Variants in SDK1 observed in about 807,000 individuals in gnomAD.
SDK1 encodes sidekick cell adhesion molecule 1.
In SDK1, 157 loss-of-function variants were observed where a neutral mutation model predicts 245.5. The observed-to-expected ratio is 0.64, with a 90% CI of 0.56 to 0.73. The LOEUF (loss-of-function observed/expected upper bound fraction) is 0.73. SDK1 is among the 30% of genes least tolerant of loss of function. SDK1 has a pLI of 0.00. For synonymous variants in SDK1, 1,647 were observed against 1,278.5 expected (o/e 1.29, Z -6.15); for missense variants, 3,583 against 3,002.3 (o/e 1.19, Z -4.52).
chr7:4,109,488 A>C (rs1204514381), intron 22 of SDK1, among the ~76,000 whole-genome samples: 2 of 152,214 alleles, frequency 1.3e-5, no homozygotes, highest in Admixed American at 1.3e-4. Flanking sequence ...GAAGTGTTAA[A>C]TGCACCAGGC....
At chr7:4,149,489 C>T (rs1237876940) in intron 30 of SDK1, 26 bp downstream of exon 30, 2 of 1,415,218 alleles carry the variant, frequency 1.4e-6, no homozygotes, top group Non-Finnish European at 1.9e-6. Context: ...GAGCACCTCC[C>T]CGGGGAACGG....
intron 35 of SDK1, among the ~76,000 whole-genome samples, chr7:4,195,176 C>T (rs1584418176): frequency 6.6e-6 from 1 of 152,226 alleles, no homozygotes; most frequent in Non-Finnish European, 1.5e-5. Flanking sequence ...TTAGCATCTG[C>T]ATCACATCAC....
chr7:3,534,606 C>T (rs1056661481), intron 1 of SDK1, among the ~76,000 whole-genome samples: 8 of 152,114 alleles, frequency 5.3e-5, no homozygotes, highest in African/African-American at 1.9e-4. Flanking sequence ...TGTGGCTTAG[C>T]TTTGCATGTT....
intron 4 of SDK1, among the ~76,000 whole-genome samples, chr7:3,681,192 C>G (rs922339609): frequency 1.7e-5 from 1 of 59,280 alleles, no homozygotes; most frequent in African/African-American, 6.0e-5. Context: ...CCCCCGAGTG[C>G]TATAGTTTAG....
At chr7:3,903,979 T>C (rs1334788515) in intron 5 of SDK1, among the ~76,000 whole-genome samples, 2 of 152,098 alleles carry the variant, frequency 1.3e-5, no homozygotes, top group Non-Finnish European at 2.9e-5. Context: ...CCTTCCACCA[T>C]GAGTGGAAGC....
At chr7:3,474,701 T>C (rs973160623) in intron 1 of SDK1, among the ~76,000 whole-genome samples, 4 of 152,138 alleles carry the variant, frequency 2.6e-5, no homozygotes, top group African/African-American at 9.7e-5. Context: ...CTTCTATTTT[T>C]ATTTTTTGAG....
chr7:4,267,123 C>T lies in SDK1; in HGVS notation c.*1739C>T. 3.0e-6 allele frequency: 3 copies of T among 985,342 alleles called. No homozygotes were observed. The highest frequency in any genetic ancestry group is 1.7e-5 in the African/African-American group (1 of 57,312). 61.0% of individuals were successfully genotyped at this position (985,342 alleles called of 1,614,324 possible). On this transcript the variant is annotated 3_prime_UTR_variant, in exon 45 of 45. Coordinates refer to ENST00000404826, the MANE Select transcript of SDK1 (RefSeq NM_152744.4). ...AGAGTTTTGTATAGGCTGGAAAACC[C>T]CTTTTCAGTCTTTCCAAAATTAGAG...
In SDK1 at chr7:3,365,093, C is replaced by T. The variant is rs76068028; in HGVS notation, c.298+63209C>T. Among the ~76,000 whole-genome samples the T allele has an allele frequency of 8.9e-3, 1,353 of 152,254 alleles. 26 individuals are homozygous for T. The highest frequency in any genetic ancestry group is 0.031 in the African/African-American group (1,275 of 41,540). The stretch of plus-strand genomic sequence containing the variant: ...ACTGCTAGCATATAGGAGTTTTTAT[C>T]TTATATCCTGTGACCTTGCTGATTT... On this transcript the variant is annotated intron_variant, in intron 1 of 44. Transcript: ENST00000404826.
At chr7:4,134,316 C>T (rs1778901665) in intron 28 of SDK1, among the ~76,000 whole-genome samples, 2 of 152,200 alleles carry the variant, frequency 1.3e-5, no homozygotes, top group African/African-American at 4.8e-5. Context: ...CTCAGTTGAG[C>T]AGCCACCTTG....
chr7:3,968,990 A>G (rs549885867), intron 10 of SDK1, among the ~76,000 whole-genome samples: 1 of 152,310 alleles, frequency 6.6e-6, no homozygotes, highest in South Asian at 2.1e-4. Flanking sequence ...AGAGAGAAAG[A>G]GCAAAGGGGG....
chr7:3,380,829 G>T (rs1271315326), intron 1 of SDK1, among the ~76,000 whole-genome samples: 2 of 152,052 alleles, frequency 1.3e-5, no homozygotes, highest in Non-Finnish European at 2.9e-5. Context: ...TTTTTTATCA[G>T]AAAAATAGTA....
intron 13 of SDK1, among the ~76,000 whole-genome samples, chr7:3,975,104 G>C (rs1237250422): frequency 2.6e-5 from 4 of 152,144 alleles, no homozygotes; most frequent in African/African-American, 9.7e-5. Context: ...AAAGAGCCCA[G>C]GCGGGAAACC....
chr7:3,977,378 A>G (rs1420651429), intron 13 of SDK1, among the ~76,000 whole-genome samples: 34 of 102,372 alleles, frequency 3.3e-4, no homozygotes, highest in African/African-American at 8.0e-4. Context: ...TGCCACACAG[A>G]CGGTCCTCCA....
rs145307745 is a variant in SDK1, at chr7:3,831,756, T to TA, written c.847+10183dup. Reference sequence around the variant, plus strand: ...CCTGTATGTAAATATCGTATCTCATTAAAAAAAAAATTAATCACCCGGGCA... The same window carrying TA: ...CCTGTATGTAAATATCGTATCTCATTAAAAAAAAAAATTAATCACCCGGGCA... On this transcript the variant is annotated intron_variant, in intron 5 of 44. Transcript: ENST00000404826. Among the ~76,000 whole-genome samples the TA allele has an allele frequency of 9.8e-4, 146 of 149,272 alleles. 1 individual carries two copies. The East Asian group carries it at 0.021, about 22-fold the overall frequency.
chr7:3,828,833 T>G (rs990424476), intron 5 of SDK1, among the ~76,000 whole-genome samples: 7 of 151,934 alleles, frequency 4.6e-5, no homozygotes, highest in African/African-American at 1.7e-4. Context: ...TTAATTTCTT[T>G]TTTTTTGTAG....
At chr7:4,097,945 C>T (rs930890010) in intron 22 of SDK1, among the ~76,000 whole-genome samples, 37 of 151,886 alleles carry the variant, frequency 2.4e-4, no homozygotes, top group African/African-American at 7.9e-4. Flanking sequence ...TTTGCCGAAA[C>T]GGGCCTCATT....
chr7:4,202,582 C>T (rs1269451543), intron 35 of SDK1, among the ~76,000 whole-genome samples: 1 of 152,112 alleles, frequency 6.6e-6, no homozygotes, highest in Non-Finnish European at 1.5e-5. Context: ...TGTCGCTGTC[C>T]CCAGATCAAA....
In SDK1 at chr7:3,672,769, A is replaced by ATATATATATG. The variant is rs1783751081; in HGVS notation, c.713+30673_713+30674insGTATATATAT. On this transcript the variant is annotated intron_variant, in intron 4 of 44. Transcript: ENST00000404826. ...TTATAATATATAATTTTATATATAT[A>ATATATATATG]TATATATATATATATATATATATAT... Among the ~76,000 whole-genome samples, 4 of 87,814 alleles carry ATATATATATG rather than the reference A, an allele frequency of 4.6e-5. 1 individual carries two copies. Among genetic ancestry groups the ATATATATATG allele is most frequent in the South Asian group, 3.8e-4 (1 of 2,616 alleles). The allele number at this position is 87,814 out of a possible 152,430, so 57.6% of individuals were successfully genotyped here. A position where few individuals can be genotyped will look rare whatever the true frequency, so the allele number is the denominator to read the frequency against.
intron 4 of SDK1, among the ~76,000 whole-genome samples, chr7:3,669,779 A>G (rs1317189981): frequency 1.3e-5 from 2 of 152,134 alleles, no homozygotes; most frequent in Admixed American, 6.5e-5. Flanking sequence ...TTTCAAACCT[A>G]TGTATTCAAC....
Sources: allele counts gnomAD v4.1 joint callset (sites outside exome capture counted in the v4.1 genomes callset), GRCh38; gene constraint gnomAD v4.1.1; transcripts MANE v1.5; gene names NCBI Gene and HGNC (gene_info 2026-07-23, HGNC 2026-07-21).